The following SBF2 variants were observed in gnomAD, a reference collection of about 807,000 sequenced individuals.
The protein encoded by SBF2 is myotubularin-related protein 13.
In SBF2, 112 loss-of-function variants were observed where a neutral mutation model predicts 225.2. That is an observed-to-expected ratio of 0.50 (90% CI 0.43 to 0.58). The LOEUF (loss-of-function observed/expected upper bound fraction) is 0.58, where lower values mean the gene tolerates loss of function less well. Ranked by LOEUF, SBF2 falls within the 20% of genes least tolerant of loss-of-function variation. The pLI is 0.00. For missense variants in SBF2, 1,996 were observed against 2,206.2 expected (o/e 0.90, Z 1.91); for synonymous variants, 763 against 773.3 (o/e 0.99, Z 0.22).
chr11:10,076,352 G>C (rs1951107739), intron 2 of SBF2, among the ~76,000 whole-genome samples: 1 of 152,208 alleles, frequency 6.6e-6, no homozygotes. Flanking sequence ...ACGAAAACCA[G>C]CCAGCCAGCA....
intron 2 of SBF2, among the ~76,000 whole-genome samples, chr11:10,154,039 G>A (rs545740250): frequency 1.2e-4 from 18 of 151,830 alleles, no homozygotes; most frequent in Middle Eastern, 3.5e-3. Flanking sequence ...ATTGTTTATC[G>A]TCTATCTTGT....
At chr11:9,983,769 T>G (rs1947065804) in intron 13 of SBF2, among the ~76,000 whole-genome samples, 1 of 151,962 alleles carries the variant, frequency 6.6e-6, no homozygotes, top group Non-Finnish European at 1.5e-5. Flanking sequence ...GTGCAGACAA[T>G]CCTCAGTACC....
chr11:9,853,638 T>C lies in SBF2; in HGVS notation c.2438A>G (p.Asn813Ser), dbSNP rs1564917922. ...FEDSENTDIANSVVRFITRFI... is the reference protein window; with the variant it reads ...FEDSENTDIASSVVRFITRFI... ...TCGGGTAATGAACCGCACAACAGAATTGGCAATGTCAGTATTCTCTGAATC... is the reference window on the plus strand; with the variant it reads ...TCGGGTAATGAACCGCACAACAGAACTGGCAATGTCAGTATTCTCTGAATC... Residue 813 changes from asparagine to serine, a missense_variant, in exon 20 of 40, where the codon AAT (asparagine) becomes AGT (serine). Physicochemically the swap from Asn to Ser is conservative, Grantham distance 46. Coordinates refer to ENST00000256190, the MANE Select transcript of SBF2 (RefSeq NM_030962.4). The C allele has an allele frequency of 1.2e-6, 2 of 1,613,982 alleles. No individual in the cohort carries two copies. Among genetic ancestry groups the C allele is most frequent in the Non-Finnish European group, 1.7e-6 (2 of 1,179,900 alleles).
chr11:10,278,519 G>A (rs1365327187), intron 1 of SBF2, among the ~76,000 whole-genome samples: 1 of 152,208 alleles, frequency 6.6e-6, no homozygotes, highest in African/African-American at 2.4e-5. Flanking sequence ...AGAGGCTCAT[G>A]TCTGTAATCC....
chr11:9,835,546 C>T (rs760022322), intron 26 of SBF2, among the ~76,000 whole-genome samples: 5 of 144,768 alleles, frequency 3.5e-5, no homozygotes, highest in Non-Finnish European at 6.0e-5. Flanking sequence ...GTGGAAGGAT[C>T]GCCTGAGCCA....
chr11:9,920,182 A>ATGTGTGTGTG (rs137939953), intron 16 of SBF2, among the ~76,000 whole-genome samples: 14 of 147,174 alleles, frequency 9.5e-5, no homozygotes, highest in Middle Eastern at 3.5e-3. Flanking sequence ...CAAATACTAT[A>ATGTGTGTGTG]TGTGTGTGTG....
At chr11:10,191,675 C>T (rs1003307771) in intron 2 of SBF2, among the ~76,000 whole-genome samples, 3 of 152,152 alleles carry the variant, frequency 2.0e-5, no homozygotes, top group Non-Finnish European at 4.4e-5. Flanking sequence ...TAACTCTTAG[C>T]ACCTCCATTT....
At chr11:10,019,865 C>T (rs1273518801) in intron 6 of SBF2, among the ~76,000 whole-genome samples, 4 of 152,078 alleles carry the variant, frequency 2.6e-5, no homozygotes, top group Admixed American at 1.3e-4. Flanking sequence ...TCAGTATTTT[C>T]TTTTAAAGAA....
intron 1 of SBF2, among the ~76,000 whole-genome samples, chr11:10,254,368 G>A (rs528993705): frequency 8.7e-5 from 13 of 149,766 alleles, no homozygotes; most frequent in African/African-American, 2.0e-4. Flanking sequence ...GCAACAGAGC[G>A]AGACCCTGTC....
At chr11:9,839,061 C>T (rs945550367) in intron 26 of SBF2, 9 of 230,774 alleles carry the variant, frequency 3.9e-5, no homozygotes, top group South Asian at 1.3e-4. Context: ...GCTGCTTTTG[C>T]GGCACAGTTG....
chr11:10,159,754 G>A (rs951995382), intron 2 of SBF2, among the ~76,000 whole-genome samples: 2 of 152,150 alleles, frequency 1.3e-5, no homozygotes, highest in Non-Finnish European at 2.9e-5. Context: ...GCCGGGCGCA[G>A]TGGCGGGTGC....
intron 1 of SBF2, among the ~76,000 whole-genome samples, chr11:10,304,248 G>A (rs1964627284): frequency 6.6e-6 from 1 of 152,170 alleles, no homozygotes; most frequent in African/African-American, 2.4e-5. Flanking sequence ...GTGCTCCCTG[G>A]CAGTCAGTCC....
chr11:10,210,992 G>A (rs1472403634), intron 1 of SBF2, among the ~76,000 whole-genome samples: 8 of 89,852 alleles, frequency 8.9e-5, no homozygotes, highest in Admixed American at 5.4e-4. Context: ...CAGCCTGGGC[G>A]ACAAGAGCAA....
At chr11:9,968,581 TA>T in intron 13 of SBF2, 36 bp from the exon 14 acceptor site, 1 of 1,537,144 alleles carries the variant, frequency 6.5e-7, no homozygotes. Context: ...TACTCCAAGT[TA>T]AAATAACAAT....
intron 1 of SBF2, among the ~76,000 whole-genome samples, chr11:10,225,516 T>C (rs1958505764): frequency 6.6e-6 from 1 of 152,122 alleles, no homozygotes; most frequent in Non-Finnish European, 1.5e-5. Context: ...ATAGAGGTTG[T>C]ATTTGTGCTA....
intron 2 of SBF2, among the ~76,000 whole-genome samples, chr11:10,062,778 G>A (rs757339974): frequency 1.4e-4 from 21 of 152,250 alleles, no homozygotes; most frequent in Non-Finnish European, 2.5e-4. Flanking sequence ...AAAGCAGTAC[G>A]GTGATTCCTC....
At chr11:10,117,321 A>G (rs1188920228) in intron 2 of SBF2, among the ~76,000 whole-genome samples, 1 of 151,690 alleles carries the variant, frequency 6.6e-6, no homozygotes, top group East Asian at 1.9e-4. Context: ...CACACCTGCA[A>G]TCCCAGCTAC....
At chr11:10,090,849 CATGAGGCCAGA>C (rs1358137399) in intron 2 of SBF2, among the ~76,000 whole-genome samples, 1 of 149,212 alleles carries the variant, frequency 6.7e-6, no homozygotes, top group South Asian at 2.1e-4. Context: ...AAGTTCCAAG[CATGAGGCCAGA>C]ATGCTAAATA....
chr11:10,135,389 G>T (rs750787369), intron 2 of SBF2, among the ~76,000 whole-genome samples: 1 of 152,170 alleles, frequency 6.6e-6, no homozygotes, highest in East Asian at 1.9e-4. Context: ...TTGGCTCCTC[G>T]TTACTTATGC....
Sources: gnomAD v4.1 joint callset for allele counts (sites outside exome capture counted in the v4.1 genomes callset) on GRCh38, gnomAD v4.1.1 for gene constraint, MANE v1.5 for transcripts, NCBI Gene and HGNC (gene_info 2026-07-23, HGNC 2026-07-21) for gene names.